SMYD3: variants seen among roughly 807,000 people sequenced by gnomAD.
The protein encoded by SMYD3 is histone-lysine N-methyltransferase SMYD3.
Under a neutral mutation model 57.7 loss-of-function variants are expected in SMYD3, and 36 were observed. That is an observed-to-expected ratio of 0.62 (90% CI 0.48 to 0.82). SMYD3 has a LOEUF of 0.82. Among genes scored for constraint, SMYD3 ranks in the 40% least tolerant of loss-of-function variants. The pLI is 0.00. For missense variants in SMYD3, 515 were observed against 538.8 expected, an observed-to-expected ratio of 0.96 and a Z score of 0.44; for synonymous variants, 211 against 195.0, an observed-to-expected ratio of 1.08 and a Z score of -0.68.
chr1:246,052,325 T>C (rs1558184703), intron 5 of SMYD3, among the ~76,000 whole-genome samples: 1 of 152,154 alleles, frequency 6.6e-6, no homozygotes, highest in Admixed American at 6.5e-5. Flanking sequence ...TGGGACGGCA[T>C]GTGATCAGAC....
intron 8 of SMYD3, among the ~76,000 whole-genome samples, chr1:245,910,454 A>T (rs757130644): frequency 6.6e-6 from 1 of 152,130 alleles, no homozygotes; most frequent in African/African-American, 2.4e-5. Context: ...CCGGAAATTC[A>T]TATGGAACAA....
intron 1 of SMYD3, among the ~76,000 whole-genome samples, chr1:246,502,962 C>T (rs1267667679): frequency 6.6e-6 from 1 of 152,186 alleles, no homozygotes; most frequent in Non-Finnish European, 1.5e-5. Context: ...AACTATCTAG[C>T]CACTTCCTTC....
At chr1:245,892,367 C>A (rs9287199) in intron 8 of SMYD3, among the ~76,000 whole-genome samples, 79 of 152,352 alleles carry the variant, frequency 5.2e-4, no homozygotes, top group African/African-American at 1.8e-3. Flanking sequence ...CTAATTGAAC[C>A]CTTAAAGTAG....
intron 5 of SMYD3, among the ~76,000 whole-genome samples, chr1:245,970,871 T>C (rs1438856035): frequency 2.0e-5 from 3 of 152,138 alleles, no homozygotes; most frequent in African/African-American, 7.2e-5. Context: ...AGTTCAACCA[T>C]TGTGGAAGAC....
chr1:246,272,452 T>C (rs1039893204), intron 5 of SMYD3, among the ~76,000 whole-genome samples: 2 of 152,208 alleles, frequency 1.3e-5, no homozygotes, highest in Admixed American at 6.5e-5. Context: ...GTAGTTTCTT[T>C]TTATTCCTTA....
intron 10 of SMYD3, among the ~76,000 whole-genome samples, chr1:245,778,274 A>G (rs2046684674): frequency 6.6e-6 from 1 of 152,260 alleles, no homozygotes; most frequent in Non-Finnish European, 1.5e-5. Context: ...CAGATTTACT[A>G]GAAAGCCACA....
Position 246,066,983 on chromosome 1 carries a change from T to C in SMYD3, c.532-137046A>G, listed in dbSNP as rs547120552. ...GAGTGGCAGAATTCAGTACTTTATC[T>C]CAGTAGGAACAGTCTTTCTTTGAAG... is the stretch of plus-strand genomic sequence containing the variant. On this transcript the variant is annotated intron_variant, in intron 5 of 11. Transcript: ENST00000490107. Among the ~76,000 whole-genome samples the C allele has an allele frequency of 2.0e-5, 3 of 152,340 alleles. No individual in the cohort carries two copies. The South Asian group carries it at 6.2e-4, about 32-fold the overall frequency.
chr1:246,498,201 G>C (rs1388354844), intron 1 of SMYD3, among the ~76,000 whole-genome samples: 1 of 152,076 alleles, frequency 6.6e-6, no homozygotes, highest in East Asian at 1.9e-4. Flanking sequence ...AGATACACCA[G>C]CAACAATATA....
chr1:246,368,414 A>G (rs1031046691), intron 1 of SMYD3, among the ~76,000 whole-genome samples: 9 of 152,204 alleles, frequency 5.9e-5, no homozygotes, highest in Non-Finnish European at 2.9e-5. Flanking sequence ...AAAAAATCCT[A>G]GTGACTCCCA....
intron 5 of SMYD3, among the ~76,000 whole-genome samples, chr1:246,158,649 A>T (rs563095160): frequency 2.0e-5 from 3 of 152,316 alleles, no homozygotes; most frequent in African/African-American, 7.2e-5. Flanking sequence ...TGCTCAATTT[A>T]TTGATGTGAA....
At chr1:246,163,735 TA>T (rs1202599004) in intron 5 of SMYD3, among the ~76,000 whole-genome samples, 2 of 152,132 alleles carry the variant, frequency 1.3e-5, no homozygotes, top group African/African-American at 4.8e-5. Flanking sequence ...CAAGTGCAAT[TA>T]AAAAAGAAAC....
Position 246,348,060 on chromosome 1 carries a change from T to TTATATATATATATATA in SMYD3, c.228+6955_228+6970dup, listed in dbSNP as rs200573424. ...ATTGGTGGACTGAATAAAGAAAACGTTATATATATATATATATACACACAC... is the reference window on the plus strand; with the variant it reads ...ATTGGTGGACTGAATAAAGAAAACGTTATATATATATATATATATATATATATATATATACACACAC... On this transcript the variant is annotated intron_variant, in intron 2 of 11. Coordinates refer to ENST00000490107, the MANE Select transcript of SMYD3 (RefSeq NM_001167740.2). 6.0e-5 allele frequency among the ~76,000 whole-genome samples: 5 copies of TTATATATATATATATA among 83,006 alleles called. 1 individual carries two copies. Among genetic ancestry groups the TTATATATATATATATA allele is most frequent in the African/African-American group, 2.1e-4 (5 of 23,706 alleles). The allele number at this position is 83,006 out of a possible 152,430, so 54.5% of individuals were successfully genotyped here. A position where few individuals can be genotyped will look rare whatever the true frequency, so the allele number is the denominator to read the frequency against.
At chr1:246,136,938 A>C (rs969979206) in intron 5 of SMYD3, among the ~76,000 whole-genome samples, 2 of 152,226 alleles carry the variant, frequency 1.3e-5, no homozygotes, top group Non-Finnish European at 2.9e-5. Context: ...GTTCACGGAA[A>C]GTTTTTAACT....
At chr1:246,134,631 A>T (rs1314076458) in intron 5 of SMYD3, among the ~76,000 whole-genome samples, 2 of 152,032 alleles carry the variant, frequency 1.3e-5, no homozygotes, top group African/African-American at 4.8e-5. Flanking sequence ...AAAAGAAGTT[A>T]AGAACCACTA....
intron 5 of SMYD3, among the ~76,000 whole-genome samples, chr1:245,968,462 G>A (rs2058211816): frequency 6.6e-6 from 1 of 152,012 alleles, no homozygotes; most frequent in African/African-American, 2.4e-5. Context: ...AAACAATAAT[G>A]GTTAGAACTT....
chr1:246,463,765 G>A (rs1433990000), intron 1 of SMYD3, among the ~76,000 whole-genome samples: 1 of 145,982 alleles, frequency 6.9e-6, no homozygotes, highest in Non-Finnish European at 1.5e-5. Context: ...GAACCCAGGA[G>A]GCGGAGTTTG....
chr1:246,486,864 T>C lies in SMYD3; in HGVS notation c.164+20190A>G, dbSNP rs76915363. ...TCAAAGCAATGGTATAGTTCTCCAA[T>C]ATACAACATTTAAAGAAAGGAGATA... On this transcript the variant is annotated intron_variant, in intron 1 of 11. Transcript: ENST00000490107. Among the ~76,000 whole-genome samples the C allele has an allele frequency of 6.4e-4, 97 of 152,218 alleles. 1 individual carries two copies. In the East Asian group the frequency reaches 0.015, roughly 24 times the overall value.
chr1:246,447,885 A>C (rs2067572241), intron 1 of SMYD3, among the ~76,000 whole-genome samples: 1 of 152,242 alleles, frequency 6.6e-6, no homozygotes, highest in African/African-American at 2.4e-5. Flanking sequence ...TCAAAATACA[A>C]CAAGCACTAA....
chr1:246,232,312 A>T (rs1409596842), intron 5 of SMYD3, among the ~76,000 whole-genome samples: 1 of 152,220 alleles, frequency 6.6e-6, no homozygotes, highest in African/African-American at 2.4e-5. Context: ...ACAGTAAAAT[A>T]AAGCCCTGTA....
Sources: allele counts gnomAD v4.1 joint callset (sites outside exome capture counted in the v4.1 genomes callset), GRCh38; gene constraint gnomAD v4.1.1; transcripts MANE v1.5; gene names NCBI Gene and HGNC (gene_info 2026-07-23, HGNC 2026-07-21).